ZFYVE9: variants seen among roughly 807,000 people sequenced by gnomAD.
The protein encoded by ZFYVE9 is zinc finger FYVE-type containing 9, also known as zinc finger FYVE domain-containing protein 9.
Under a neutral mutation model 126.7 loss-of-function variants are expected in ZFYVE9, and 43 were observed. That is an observed-to-expected ratio of 0.34 (90% CI 0.27 to 0.44). The LOEUF (loss-of-function observed/expected upper bound fraction) is 0.44, where lower values mean the gene tolerates loss of function less well. Ranked by LOEUF, ZFYVE9 falls within the 20% of genes least tolerant of loss-of-function variation. ZFYVE9 has a pLI of 1.00. For synonymous variants in ZFYVE9, 521 were observed against 597.4 expected (o/e 0.87, Z 1.87); for missense variants, 1,476 against 1,697.0 (o/e 0.87, Z 2.29).
Position 52,152,290 on chromosome 1 carries a change from A to G in ZFYVE9, c.-143+9887A>G, listed in dbSNP as rs1402138346. Among the ~76,000 whole-genome samples, 4 of 152,172 alleles carry G rather than the reference A, an allele frequency of 2.6e-5. No individual in the cohort carries two copies. The East Asian group carries it at 7.7e-4, about 29-fold the overall frequency. On this transcript the variant is annotated intron_variant, in intron 1 of 18. Coordinates refer to ENST00000287727, the MANE Select transcript of ZFYVE9 (RefSeq NM_004799.4). ...CAGGCATGAGCCAGTGTGCCTGGCT[A>G]TATTACCCAAACTTATTTGGTTGTG...
At chr1:52,340,716 A>G (rs1227738179) in intron 17 of ZFYVE9, among the ~76,000 whole-genome samples, 2 of 152,002 alleles carry the variant, frequency 1.3e-5, no homozygotes, top group East Asian at 1.9e-4. Flanking sequence ...CCTGGGTAAC[A>G]TGGTGAAACC....
intron 13 of ZFYVE9, among the ~76,000 whole-genome samples, chr1:52,314,303 T>C (rs1393092022): frequency 6.6e-6 from 1 of 152,222 alleles, no homozygotes; most frequent in South Asian, 2.1e-4. Context: ...ACAATGCAAG[T>C]TGCAAGACAG....
chr1:52,171,144 C>T (rs1644564467), intron 1 of ZFYVE9, among the ~76,000 whole-genome samples: 1 of 151,982 alleles, frequency 6.6e-6, no homozygotes, highest in Non-Finnish European at 1.5e-5. Flanking sequence ...AATGCTGTCC[C>T]TCCCCGCTCC....
intron 2 of ZFYVE9, among the ~76,000 whole-genome samples, chr1:52,220,177 A>AT (rs1315817423): frequency 6.6e-6 from 1 of 152,084 alleles, no homozygotes; most frequent in Non-Finnish European, 1.5e-5. Flanking sequence ...TGGTTAGGTG[A>AT]TTTTTTAGAG....
intron 2 of ZFYVE9, among the ~76,000 whole-genome samples, chr1:52,229,868 CTTT>C (rs869107075): frequency 2.8e-5 from 4 of 140,606 alleles, no homozygotes; most frequent in Admixed American, 7.1e-5. Context: ...CTCACAGACA[CTTT>C]TTTTTTTTTT....
intron 13 of ZFYVE9, among the ~76,000 whole-genome samples, chr1:52,320,217 C>T (rs993964943): frequency 6.6e-6 from 1 of 151,700 alleles, no homozygotes; most frequent in East Asian, 2.0e-4. Flanking sequence ...ATTACAGGCA[C>T]ATGCCACCAC....
chr1:52,335,010 T>C (rs1557525515), intron 15 of ZFYVE9: 1 of 349,300 alleles, frequency 2.9e-6, no homozygotes, highest in Non-Finnish European at 5.3e-6. Context: ...ATAAGGTACC[T>C]GAGGGCATGT....
At chr1:52,162,026 G>A (rs1644465146) in intron 1 of ZFYVE9, among the ~76,000 whole-genome samples, 1 of 150,636 alleles carries the variant, frequency 6.6e-6, no homozygotes, top group Non-Finnish European at 1.5e-5. Context: ...ACATCTTTAG[G>A]AGTATAATGT....
Position 52,238,738 on chromosome 1 carries a change from G to T in ZFYVE9, c.1321G>T (p.Gly441Ter). The T allele has an allele frequency of 6.2e-7, 1 of 1,614,050 alleles. No individual in the cohort carries two copies. Among genetic ancestry groups the T allele is most frequent in the Non-Finnish European group, 8.5e-7 (1 of 1,179,966 alleles). ...TGGTGATAGTGGAGGACAGTGTGTT[G>T]GATTGGCAGATGCAGGTCTAGATTT... ...TNGDSGGQCV[G>*]LADAGLDLKG... is the part of the protein sequence containing the mutation. The change falls in exon 4 of 19, where the codon GGA becomes TGA. Residue 441 changes from glycine (G) to a stop codon, truncating the protein, a stop_gained. Transcript: ENST00000287727. LOFTEE classifies it high-confidence loss of function.
chr1:52,271,576 G>A (rs903078056), intron 7 of ZFYVE9, among the ~76,000 whole-genome samples: 9 of 152,096 alleles, frequency 5.9e-5, no homozygotes, highest in African/African-American at 2.2e-4. Context: ...TTCACAGAAG[G>A]CATTTAAGTA....
chr1:52,180,354 A>G, intron 1 of ZFYVE9: 2 of 1,556,396 alleles, frequency 1.3e-6, no homozygotes, highest in Non-Finnish European at 1.8e-6. Flanking sequence ...GGAAGGAGAT[A>G]TCAAGGCTCA....
intron 1 of ZFYVE9, among the ~76,000 whole-genome samples, chr1:52,196,870 G>A (rs1324966743): frequency 6.6e-6 from 1 of 151,420 alleles, no homozygotes; most frequent in Non-Finnish European, 1.5e-5. Context: ...AAAAAAGAAA[G>A]TGACAAAAGT....
rs1557494842 is a variant in ZFYVE9 at position 52,274,592 on chromosome 1, G to T, written c.2746+8G>T. ...CCACTGGTGTAAAAGGAGGTAAGTG[G>T]ACTACATATTTAAACAGTGATAGTT... is the stretch of plus-strand genomic sequence containing the variant. On this transcript the variant is annotated splice_region_variant and intron_variant, in intron 8 of 18. Coordinates refer to ENST00000287727, the MANE Select transcript of ZFYVE9 (RefSeq NM_004799.4). 2 of 1,599,210 alleles carry T rather than the reference G, an allele frequency of 1.3e-6. No homozygotes were observed. The highest frequency in any genetic ancestry group is 1.7e-6 in the Non-Finnish European group (2 of 1,169,972).
chr1:52,285,837 A>G, intron 10 of ZFYVE9, among the ~76,000 whole-genome samples: 1 of 152,246 alleles, frequency 6.6e-6, no homozygotes, highest in South Asian at 2.1e-4. Flanking sequence ...CCCTGGTGCC[A>G]AAAAGGTTGG....
At chr1:52,176,642 C>T (rs919265809) in intron 1 of ZFYVE9, among the ~76,000 whole-genome samples, 3 of 152,186 alleles carry the variant, frequency 2.0e-5, no homozygotes, top group African/African-American at 7.2e-5. Context: ...TGGTGTGCTC[C>T]ACCCAGTTCG....
At chr1:52,216,344 A>G (rs1039977369) in intron 1 of ZFYVE9, 25 bp from the exon 2 acceptor site, 6 of 398,458 alleles carry the variant, frequency 1.5e-5, no homozygotes, top group African/African-American at 1.2e-4. Context: ...CAGCAAGTGT[A>G]ATGAGCAATG....
Position 52,238,831 on chromosome 1 carries a change from A to G in ZFYVE9, c.1414A>G (p.Asn472Asp). The G allele has an allele frequency of 6.2e-7, 1 of 1,614,100 alleles. No individual in the cohort carries two copies. Among genetic ancestry groups the G allele is most frequent in the East Asian group, 2.2e-5 (1 of 44,876 alleles). Residue 472 changes from asparagine to aspartate, a missense_variant, in exon 4 of 19, where the codon AAT (asparagine) becomes GAT (aspartate). Coordinates refer to ENST00000287727, the MANE Select transcript of ZFYVE9 (RefSeq NM_004799.4). Reference sequence around the variant, plus strand: ...CACTGTTATAGACACACCAGCAGCAAATTATCTATCTAATGGTTGTGATTC... The same window carrying G: ...CACTGTTATAGACACACCAGCAGCAGATTATCTATCTAATGGTTGTGATTC... ...FSTVIDTPAA[N>D]YLSNGCDSYG...
At chr1:52,338,243 G>T (rs768995628) in intron 16 of ZFYVE9, among the ~76,000 whole-genome samples, 2 of 152,118 alleles carry the variant, frequency 1.3e-5, no homozygotes, top group Non-Finnish European at 2.9e-5. Flanking sequence ...TGCCAACATT[G>T]TTTTGTTTGA....
At chr1:52,143,436 T>C (rs572170934) in intron 1 of ZFYVE9, among the ~76,000 whole-genome samples, 1 of 152,376 alleles carries the variant, frequency 6.6e-6, no homozygotes, top group South Asian at 2.1e-4. Context: ...GTGAAAGTTA[T>C]AAGACTTATA....
Sources: allele counts gnomAD v4.1 joint callset (sites outside exome capture counted in the v4.1 genomes callset), GRCh38; gene constraint gnomAD v4.1.1; transcripts MANE v1.5; gene names NCBI Gene and HGNC (gene_info 2026-07-23, HGNC 2026-07-21).